SCIN: variants seen among roughly 807,000 people sequenced by gnomAD.
SCIN encodes the protein scinderin.
In SCIN, 91 loss-of-function variants were observed where a neutral mutation model predicts 91.8. That is an observed-to-expected ratio of 0.99 (90% CI 0.84 to 1.18). The LOEUF is 1.18. Among genes scored for constraint, SCIN ranks in the 50% most tolerant of loss-of-function variants. The pLI is 0.00. For missense variants in SCIN, 1,087 were observed against 863.9 expected (o/e 1.26, Z -3.24); for synonymous variants, 367 against 312.6 (o/e 1.17, Z -1.84).
chr7:12,592,593 G>A (rs1231685040), intron 3 of SCIN, among the ~76,000 whole-genome samples: 2 of 152,060 alleles, frequency 1.3e-5, no homozygotes, highest in Non-Finnish European at 2.9e-5. Context: ...GAGAGGAGCA[G>A]GAGGGGACTC....
chr7:12,612,514 A>G (rs1583298938), intron 4 of SCIN, among the ~76,000 whole-genome samples: 1 of 152,148 alleles, frequency 6.6e-6, no homozygotes, highest in East Asian at 1.9e-4. Flanking sequence ...CTTTACTGCA[A>G]TAATACTTAG....
chr7:12,630,247 A>G (rs1460347356), intron 9 of SCIN, among the ~76,000 whole-genome samples: 1 of 151,968 alleles, frequency 6.6e-6, no homozygotes, highest in African/African-American at 2.4e-5. Context: ...TGGTCTGGGA[A>G]CTCGGAGGTA....
chr7:12,642,982 G>A (rs1420865306), intron 11 of SCIN, among the ~76,000 whole-genome samples: 2 of 152,036 alleles, frequency 1.3e-5, no homozygotes, highest in African/African-American at 4.8e-5. Flanking sequence ...GTTTAATTAT[G>A]ACTATTTTTT....
At chr7:12,612,539 C>G (rs1216336423) in intron 4 of SCIN, among the ~76,000 whole-genome samples, 1 of 152,116 alleles carries the variant, frequency 6.6e-6, no homozygotes, top group Non-Finnish European at 1.5e-5. Context: ...CTCCTGAAAT[C>G]CAAAGTATTA....
chr7:12,583,905 A>G (rs1782537108), intron 3 of SCIN, among the ~76,000 whole-genome samples: 1 of 152,048 alleles, frequency 6.6e-6, no homozygotes, highest in Admixed American at 6.6e-5. Context: ...CTCTTTTCCC[A>G]TGCCTTGTAA....
At position 12,636,114 on chromosome 7, in the gene SCIN, C is replaced by T. The variant is rs938411090; in HGVS notation, c.1389C>T (p.Ser463=). ...SAFLTVQLDR[S]LGGQAVQIRV... is the part of the protein sequence containing the mutation. ...TCCTGACTGTTCAGTTGGATCGGTCCCTTGGAGGACAGGCTGTGCAGGTTG... is the reference window on the plus strand; with the variant it reads ...TCCTGACTGTTCAGTTGGATCGGTCTCTTGGAGGACAGGCTGTGCAGGTTG... The change falls in exon 10 of 16, where the codon TCC becomes TCT. Residue 463 remains serine, a synonymous_variant. Coordinates refer to ENST00000297029, the MANE Select transcript of SCIN (RefSeq NM_001112706.3). 11 of 1,612,610 alleles carry T rather than the reference C, an allele frequency of 6.8e-6. No homozygotes were observed. The highest frequency in any genetic ancestry group is 4.5e-5 in the East Asian group (2 of 44,806).
rs544891363 is a variant in SCIN, at chr7:12,651,456, G to A, written c.1960-385G>A. 2.0e-5 allele frequency among the ~76,000 whole-genome samples: 3 copies of A among 152,162 alleles called. No individual in the cohort carries two copies. Among genetic ancestry groups the A allele is most frequent in the South Asian group, 4.1e-4 (2 of 4,828 alleles). On this transcript the variant is annotated intron_variant, in intron 14 of 15. Transcript: ENST00000297029. This position sits in a 1 kb window ranked among gnomAD's most constrained non-coding sequence, Gnocchi z 5.9. ...AACAGCCATCTCGAAATATGTCAAA[G>A]AAGTGTATTCGGAGGTGAAATATTT...
Position 12,644,206 on chromosome 7 carries a change from C to T in SCIN, c.1650C>T (p.Gly550=). Residue 550 remains glycine (G), a synonymous_variant, in exon 12 of 16, where the codon GGC becomes GGT. Transcript: ENST00000297029. ...TCCTGAAACTGCCACAAAATAGTGG[C>T]TACATCTGGGTAGGAAAAGGTGCTA... is the stretch of plus-strand genomic sequence containing the variant. ...VFVLKLPQNS[G]YIWVGKGASQ... 1 of 1,611,922 alleles carries T rather than the reference C, an allele frequency of 6.2e-7. No individual in the cohort carries two copies. Among genetic ancestry groups the T allele is most frequent in the Non-Finnish European group, 8.5e-7 (1 of 1,178,906 alleles).
At chr7:12,577,011 C>G (rs1301058509) in intron 1 of SCIN, among the ~76,000 whole-genome samples, 3 of 152,116 alleles carry the variant, frequency 2.0e-5, no homozygotes, top group African/African-American at 7.2e-5. Flanking sequence ...CGTACTGTAT[C>G]CTTTATGTAC....
At chr7:12,619,122 T>A (rs1206197225) in intron 4 of SCIN, among the ~76,000 whole-genome samples, 1 of 152,112 alleles carries the variant, frequency 6.6e-6, no homozygotes, top group Non-Finnish European at 1.5e-5. Context: ...CCCTCAATGA[T>A]AAATGCCTTT....
At chr7:12,591,282 G>A (rs567367350) in intron 3 of SCIN, among the ~76,000 whole-genome samples, 1 of 152,274 alleles carries the variant, frequency 6.6e-6, no homozygotes, top group African/African-American at 2.4e-5. Flanking sequence ...GAAGGAGGAA[G>A]GGAGCTTACT....
chr7:12,615,444 C>T (rs1783279116), intron 4 of SCIN, among the ~76,000 whole-genome samples: 1 of 152,082 alleles, frequency 6.6e-6, no homozygotes, highest in African/African-American at 2.4e-5. Flanking sequence ...TCTCCTGCTG[C>T]CATGTAAAAT....
chr7:12,644,133 T>G lies in SCIN; in HGVS notation c.1582-5T>G. On this transcript the variant is annotated splice_polypyrimidine_tract_variant and splice_region_variant and intron_variant, in intron 11 of 15. Coordinates refer to ENST00000297029, the MANE Select transcript of SCIN (RefSeq NM_001112706.3). Reference sequence around the variant, plus strand: ...ATCATTGTTTTATTTTTCTTCATATTCCAGGTTGATGTTGATGCAAATTCA... The same window carrying G: ...ATCATTGTTTTATTTTTCTTCATATGCCAGGTTGATGTTGATGCAAATTCA... The G allele has an allele frequency of 6.8e-6, 11 of 1,609,620 alleles. No homozygotes were observed. Among genetic ancestry groups the G allele is most frequent in the Non-Finnish European group, 9.3e-6 (11 of 1,177,282 alleles).
intron 14 of SCIN, among the ~76,000 whole-genome samples, chr7:12,650,882 C>T (rs967379831): frequency 1.3e-5 from 2 of 151,716 alleles, no homozygotes; most frequent in Non-Finnish European, 2.9e-5. Flanking sequence ...TGGGATCACC[C>T]ACAGACAAGC....
intron 2 of SCIN, among the ~76,000 whole-genome samples, chr7:12,578,833 C>G (rs539927286): frequency 4.0e-5 from 6 of 149,462 alleles, no homozygotes; most frequent in African/African-American, 1.5e-4. Context: ...GATCAATTGG[C>G]TTTACTTCTG....
chr7:12,651,064 A>C lies in SCIN; in HGVS notation c.1960-777A>C, dbSNP rs1205672274. Among the ~76,000 whole-genome samples, 1 of 152,208 alleles carries C rather than the reference A, an allele frequency of 6.6e-6. No individual in the cohort carries two copies. The highest frequency in any genetic ancestry group is 6.5e-5 in the Admixed American group (1 of 15,280). ...GGAGAAAAGGCATACAAATATATTA[A>C]TGTTCACAGGAGTCATACAGAATGC... On this transcript the variant is annotated intron_variant, in intron 14 of 15. Transcript: ENST00000297029. This position sits in a 1 kb window ranked among gnomAD's most constrained non-coding sequence, Gnocchi z 5.9.
intron 4 of SCIN, among the ~76,000 whole-genome samples, chr7:12,611,459 C>G (rs1261509296): frequency 1.3e-5 from 2 of 152,050 alleles, no homozygotes; most frequent in Non-Finnish European, 2.9e-5. Context: ...GTTTACTAGA[C>G]TTACATGGGT....
intron 3 of SCIN, among the ~76,000 whole-genome samples, chr7:12,597,601 T>G (rs1782870276): frequency 6.6e-6 from 1 of 152,212 alleles, no homozygotes. Context: ...CTGGCTGCAC[T>G]TATTAACTCA....
At chr7:12,574,829 G>A (rs905311434) in intron 1 of SCIN, among the ~76,000 whole-genome samples, 1 of 152,064 alleles carries the variant, frequency 6.6e-6, no homozygotes, top group African/African-American at 2.4e-5. Flanking sequence ...CAGGGCCTGC[G>A]CCTCACTATA....
Sources: gnomAD v4.1 joint callset for allele counts (sites outside exome capture counted in the v4.1 genomes callset) on GRCh38, gnomAD v4.1.1 for gene constraint, Gnocchi (gnomAD v3.1) non-coding constraint, MANE v1.5 for transcripts, NCBI Gene and HGNC (gene_info 2026-07-23, HGNC 2026-07-21) for gene names.